The following KLC1 variants were observed in gnomAD, a reference collection of about 807,000 sequenced individuals.
KLC1 encodes the protein kinesin light chain 1.
KLC1 carries 30 observed loss-of-function variants against 84.2 expected under a neutral mutation model. The ratio of observed to expected loss-of-function variants is 0.36; its 90% CI spans 0.27 to 0.48. The LOEUF (loss-of-function observed/expected upper bound fraction) is 0.48, where lower values mean the gene tolerates loss of function less well. KLC1 is among the 20% of genes least tolerant of loss of function. The pLI is 0.99. For synonymous variants in KLC1, 289 were observed against 293.3 expected (o/e 0.99, Z 0.15); for missense variants, 499 against 805.4 (o/e 0.62, Z 4.60).
chr14:103,688,887 T>C (rs1466773916), intron 14 of KLC1, among the ~76,000 whole-genome samples: 2 of 152,224 alleles, frequency 1.3e-5, no homozygotes, highest in African/African-American at 2.4e-5. Context: ...ACAAATGAAC[T>C]CTTATTTGGG....
chr14:103,686,934 A>G, intron 13 of KLC1, 147 bp from the exon 14 acceptor site: 1 of 433,482 alleles, frequency 2.3e-6, no homozygotes, highest in Non-Finnish European at 4.4e-6. Context: ...CGTACATGGT[A>G]ATTGGTGGTT....
intron 3 of KLC1, among the ~76,000 whole-genome samples, chr14:103,661,673 T>C (rs1595410388): frequency 1.3e-5 from 2 of 152,266 alleles, no homozygotes; most frequent in African/African-American, 4.8e-5. Flanking sequence ...TTCAAACTGC[T>C]CCCAGGGATC....
rs572853806 is a variant in KLC1, at chr14:103,637,598, T to C, written c.-2+8104T>C. Among the ~76,000 whole-genome samples the C allele has an allele frequency of 1.1e-4, 16 of 152,200 alleles. 1 individual carries two copies. In the South Asian group the frequency reaches 2.7e-3, roughly 26 times the overall value. ...ATTTTTTGTTGTTGCCTAAGCAACA[T>C]CCGCTTTCCTTAATTCTGAAAGCAT... On this transcript the variant is annotated intron_variant, in intron 1 of 16. Transcript: ENST00000334553.
chr14:103,699,564 C>CGG, intron 15 of KLC1: 1 of 1,613,310 alleles, frequency 6.2e-7, no homozygotes, highest in Non-Finnish European at 8.5e-7. Flanking sequence ...TTCACACACT[C>CGG]CAACAAGGTG....
At chr14:103,692,494 C>T in intron 15 of KLC1, 69 bp downstream of exon 15, 3 of 1,345,190 alleles carry the variant, frequency 2.2e-6, no homozygotes, top group Admixed American at 4.0e-5. Context: ...TGCAGACCCG[C>T]ACTCGGCCCC....
chr14:103,700,845 G>C, intron 16 of KLC1, 118 bp downstream of exon 16: 1 of 844,944 alleles, frequency 1.2e-6, no homozygotes, highest in Non-Finnish European at 1.8e-6. Context: ...CTAGCTGCCA[G>C]GCTGGGCCTC....
intron 15 of KLC1, chr14:103,698,123 C>G (rs2082720608): frequency 6.5e-6 from 1 of 154,978 alleles, no homozygotes; most frequent in African/African-American, 2.4e-5. Flanking sequence ...GCACAGGCCA[C>G]ACTACTAGAG....
intron 7 of KLC1, among the ~76,000 whole-genome samples, chr14:103,670,909 C>T (rs2080325916): frequency 6.6e-6 from 1 of 151,378 alleles, no homozygotes; most frequent in African/African-American, 2.4e-5. Flanking sequence ...CATAGTGAGA[C>T]CTCGTCTCTA....
At chr14:103,696,653 C>T in intron 15 of KLC1, 1 of 985,502 alleles carries the variant, frequency 1.0e-6, no homozygotes. Flanking sequence ...GCTGCGTGTG[C>T]AGCGGGGCCA....
chr14:103,693,681 T>G lies in KLC1; in HGVS notation c.1848+1256T>G. Reference sequence around the variant, plus strand: ...AGACCGCCCCGCCCTGCCACGCCCCTCACCGCCCTGCCCGGAGGCGCCAGC... The same window carrying G: ...AGACCGCCCCGCCCTGCCACGCCCCGCACCGCCCTGCCCGGAGGCGCCAGC... On this transcript the variant is annotated intron_variant, in intron 15 of 16. Coordinates refer to ENST00000334553, the MANE Select transcript of KLC1 (RefSeq NM_001394837.1). The surrounding 1 kb of genome is among the most constrained non-coding windows in gnomAD (Gnocchi z 5.1). 1 of 1,522,472 alleles carries G rather than the reference T, an allele frequency of 6.6e-7. No homozygotes were observed. The highest frequency in any genetic ancestry group is 8.8e-7 in the Non-Finnish European group (1 of 1,138,830). The allele number at this position is 1,522,472 out of a possible 1,614,324, so 94.3% of individuals were successfully genotyped here. A position where few individuals can be genotyped will look rare whatever the true frequency, so the allele number is the denominator to read the frequency against.
intron 11 of KLC1, among the ~76,000 whole-genome samples, chr14:103,676,320 G>A (rs1249459275): frequency 1.3e-5 from 2 of 152,060 alleles, no homozygotes; most frequent in African/African-American, 4.8e-5. Flanking sequence ...CCAGGCTGGA[G>A]TGCAATGGCG....
chr14:103,632,534 G>A (rs1388205553), intron 1 of KLC1, among the ~76,000 whole-genome samples: 1 of 152,026 alleles, frequency 6.6e-6, no homozygotes, highest in Non-Finnish European at 1.5e-5. Context: ...TGGACAACAT[G>A]GTGAAACCCT....
intron 1 of KLC1, among the ~76,000 whole-genome samples, chr14:103,645,578 A>C (rs1013102235): frequency 6.6e-6 from 1 of 152,098 alleles, no homozygotes; most frequent in Non-Finnish European, 1.5e-5. Flanking sequence ...CAGGGAGTAC[A>C]TTTACACAAA....
At chr14:103,667,501 A>T (rs1205151432) in intron 5 of KLC1, among the ~76,000 whole-genome samples, 1 of 151,724 alleles carries the variant, frequency 6.6e-6, no homozygotes, top group Non-Finnish European at 1.5e-5. Context: ...AGGCCTGGCT[A>T]ATTTTTTGTA....
At position 103,694,159 on chromosome 14, in the gene KLC1, C is replaced by A; in HGVS notation, c.1848+1734C>A. The A allele has an allele frequency of 1.0e-6, 1 of 985,990 alleles. No homozygotes were observed. The highest frequency in any genetic ancestry group is 1.2e-6 in the Non-Finnish European group (1 of 830,336). The allele number at this position is 985,990 out of a possible 1,614,324, so 61.1% of individuals were successfully genotyped here. ...TCCGGGTCTCTCTTTCCAAGGTCCC[C>A]ATGCCTGTGGCCCTGGGGCCCCATG... On this transcript the variant is annotated intron_variant, in intron 15 of 16. Coordinates refer to ENST00000334553, the MANE Select transcript of KLC1 (RefSeq NM_001394837.1). This position sits in a 1 kb window ranked among gnomAD's most constrained non-coding sequence, Gnocchi z 4.5.
chr14:103,670,945 C>T (rs2080333819), intron 7 of KLC1, among the ~76,000 whole-genome samples: 1 of 151,788 alleles, frequency 6.6e-6, no homozygotes, highest in Non-Finnish European at 1.5e-5. Flanking sequence ...AAAGAAGGTC[C>T]AGTTATGAGG....
At chr14:103,699,985 C>T (rs1275120761) in intron 15 of KLC1, 6 of 316,212 alleles carry the variant, frequency 1.9e-5, no homozygotes, top group Non-Finnish European at 2.5e-5. Context: ...GGCCCCGCAC[C>T]AGGTACTCAG....
chr14:103,671,327 A>G (rs931334040), intron 7 of KLC1, among the ~76,000 whole-genome samples: 1 of 152,080 alleles, frequency 6.6e-6, no homozygotes, highest in African/African-American at 2.4e-5. Context: ...TTTAGATGTT[A>G]TGAAGATTCG....
chr14:103,666,371 G>A (rs984494369), intron 5 of KLC1, among the ~76,000 whole-genome samples: 3 of 147,564 alleles, frequency 2.0e-5, no homozygotes, highest in African/African-American at 7.5e-5. Context: ...CCCTTGGTGG[G>A]CTTCTTAAAC....
Sources: allele counts gnomAD v4.1 joint callset (sites outside exome capture counted in the v4.1 genomes callset), GRCh38; gene constraint gnomAD v4.1.1; non-coding constraint Gnocchi (gnomAD v3.1); transcripts MANE v1.5; gene names NCBI Gene and HGNC (gene_info 2026-07-23, HGNC 2026-07-21).